Variants in XPO4 observed in about 807,000 individuals in gnomAD.
XPO4 encodes the protein exportin-4.
In XPO4, 39 loss-of-function variants were observed where a neutral mutation model predicts 143.0. The ratio of observed to expected loss-of-function variants is 0.27; its 90% CI spans 0.21 to 0.36. The LOEUF (loss-of-function observed/expected upper bound fraction) is 0.36, where lower values mean the gene tolerates loss of function less well. XPO4 is among the 10% of genes least tolerant of loss of function. XPO4 has a pLI of 1.00. For synonymous variants in XPO4, 439 were observed against 474.0 expected (o/e 0.93, Z 0.96); for missense variants, 907 against 1,348.0 (o/e 0.67, Z 5.12).
intron 3 of XPO4, chr13:20,859,974 G>A (rs2060181362): frequency 2.5e-6 from 1 of 397,930 alleles, no homozygotes; most frequent in African/African-American, 2.2e-5. Context: ...CAACTAAACA[G>A]CTCCACAAAA....
intron 6 of XPO4, among the ~76,000 whole-genome samples, chr13:20,835,412 G>T (rs1430523369): frequency 6.6e-6 from 1 of 152,118 alleles, no homozygotes; most frequent in African/African-American, 2.4e-5. Flanking sequence ...CCTAGACAAA[G>T]CTGGTCAAAT....
rs1328031099 is a variant in XPO4, at chr13:20,788,533, C to G, written c.3000G>C (p.Glu1000Asp). The G allele has an allele frequency of 1.2e-6, 2 of 1,613,102 alleles. No individual in the cohort carries two copies. The highest frequency in any genetic ancestry group is 1.7e-6 in the Non-Finnish European group (2 of 1,179,590). The change falls in exon 20 of 23, where the codon GAG becomes GAC. Residue 1000 changes from glutamate to aspartate, a missense_variant. Coordinates refer to ENST00000255305, the MANE Select transcript of XPO4 (RefSeq NM_022459.5). The part of the protein sequence containing the change: ...IFPEKIPQLP[E>D]DLFKSLMYSL... ...AGTACATCAGACTTTTAAACAGATC[C>G]TCAGGAAGCTGTGGTATTTTTTCAG...
rs1295089870 is a variant in XPO4, at chr13:20,883,285, T to TCAAA, written c.70-14585_70-14584insTTTG. ...TGGGTGAGGAGAAAGAAAGGAAAGA[T>TCAAA]GTAGACTCAAAGCTAAAGAAAAGAA... On this transcript the variant is annotated intron_variant, in intron 1 of 22. Coordinates refer to ENST00000255305, the MANE Select transcript of XPO4 (RefSeq NM_022459.5). 4.6e-5 allele frequency among the ~76,000 whole-genome samples: 7 copies of TCAAA among 152,318 alleles called. No homozygotes were observed. In the East Asian group the frequency reaches 1.2e-3, roughly 25 times the overall value.
At chr13:20,789,461 C>T (rs574447362) in intron 19 of XPO4, among the ~76,000 whole-genome samples, 7 of 148,494 alleles carry the variant, frequency 4.7e-5, no homozygotes, top group African/African-American at 1.5e-4. Flanking sequence ...GTGGCACAAT[C>T]TTGGCTCACT....
At chr13:20,893,937 G>A (rs571716189) in intron 1 of XPO4, among the ~76,000 whole-genome samples, 5 of 152,160 alleles carry the variant, frequency 3.3e-5, no homozygotes, top group South Asian at 2.1e-4. Flanking sequence ...TCCGCCTCCC[G>A]GGTTCAAGTG....
At position 20,865,139 on chromosome 13, in the gene XPO4, A is replaced by AT. The variant is rs35116814; in HGVS notation, c.176-2282dup. ...ATGAAGAACTCACAATTCATCTAGCATTTTTTTTTTTTTTTTGAGATGGAG... is the reference window on the plus strand; with the variant it reads ...ATGAAGAACTCACAATTCATCTAGCATTTTTTTTTTTTTTTTTGAGATGGAG... On this transcript the variant is annotated intron_variant, in intron 2 of 22. Transcript: ENST00000255305. 6.2e-3 allele frequency among the ~76,000 whole-genome samples: 878 copies of AT among 142,368 alleles called. 9 individuals are homozygous for AT. The highest frequency in any genetic ancestry group is 0.015 in the African/African-American group (585 of 38,626). The allele number at this position is 142,368 out of a possible 152,430, so 93.4% of individuals were successfully genotyped here.
intron 1 of XPO4, among the ~76,000 whole-genome samples, chr13:20,873,177 A>G (rs559721926): frequency 2.0e-5 from 3 of 152,000 alleles, no homozygotes; most frequent in Non-Finnish European, 4.4e-5. Flanking sequence ...TCCTAACTCA[A>G]TAGACTGGGG....
intron 7 of XPO4, 55 bp from the exon 8 acceptor site, chr13:20,822,344 C>G: frequency 1.3e-6 from 2 of 1,494,910 alleles, no homozygotes; most frequent in Non-Finnish European, 1.8e-6. Context: ...GTAAGGGTCA[C>G]GTGTCTACCA....
chr13:20,895,159 C>T (rs2060556531), intron 1 of XPO4, among the ~76,000 whole-genome samples: 1 of 151,996 alleles, frequency 6.6e-6, no homozygotes. Flanking sequence ...GCCTAGGCAA[C>T]AGAGTGAGAC....
At chr13:20,788,408 A>G in intron 20 of XPO4, 78 bp downstream of exon 20, 2 of 1,534,908 alleles carry the variant, frequency 1.3e-6, no homozygotes, top group Non-Finnish European at 1.7e-6. Context: ...TGAAAAATGT[A>G]AACTTAAAAA....
At chr13:20,837,298 AATCCAAATT>A (rs1158831795) in intron 6 of XPO4, among the ~76,000 whole-genome samples, 2 of 152,206 alleles carry the variant, frequency 1.3e-5, no homozygotes, top group African/African-American at 4.8e-5. Flanking sequence ...GAGTTGTGAC[AATCCAAATT>A]GTCTCAAGAC....
At chr13:20,788,362 T>C in intron 20 of XPO4, 124 bp downstream of exon 20, 1 of 1,353,424 alleles carries the variant, frequency 7.4e-7, no homozygotes, top group Non-Finnish European at 9.9e-7. Flanking sequence ...TGGCCCAGGG[T>C]TTTTTAAGAA....
chr13:20,886,252 TTAACA>T (rs530638668), intron 1 of XPO4, among the ~76,000 whole-genome samples: 53 of 151,940 alleles, frequency 3.5e-4, no homozygotes, highest in Middle Eastern at 3.4e-3. Flanking sequence ...AGAAATTGAT[TTAACA>T]TAACAATAAC....
chr13:20,795,964 T>C lies in XPO4; in HGVS notation c.2797+112A>G. On this transcript the variant is annotated intron_variant, in intron 18 of 22. Coordinates refer to ENST00000255305, the MANE Select transcript of XPO4 (RefSeq NM_022459.5). ...TTTGACCACAAAGATCTTCTTTCATTTATTCCATAAATTGAATTTCCTCAT... is the reference window on the plus strand; with the variant it reads ...TTTGACCACAAAGATCTTCTTTCATCTATTCCATAAATTGAATTTCCTCAT... 8 of 1,189,538 alleles carry C rather than the reference T, an allele frequency of 6.7e-6. No individual in the cohort carries two copies. The South Asian group carries it at 1.3e-4, about 20-fold the overall frequency. 73.7% of individuals were successfully genotyped at this position (1,189,538 alleles called of 1,614,324 possible).
intron 18 of XPO4, among the ~76,000 whole-genome samples, chr13:20,794,041 C>G (rs538909601): frequency 6.6e-6 from 1 of 152,154 alleles, no homozygotes; most frequent in African/African-American, 2.4e-5. Context: ...ACAATCATTT[C>G]TCTAAATGTT....
At chr13:20,885,985 A>C (rs1032616780) in intron 1 of XPO4, among the ~76,000 whole-genome samples, 1 of 152,252 alleles carries the variant, frequency 6.6e-6, no homozygotes, top group African/African-American at 2.4e-5. Flanking sequence ...GTACAAAACA[A>C]AACAGAACTA....
At chr13:20,874,454 G>A (rs1045620265) in intron 1 of XPO4, among the ~76,000 whole-genome samples, 7 of 152,180 alleles carry the variant, frequency 4.6e-5, no homozygotes, top group African/African-American at 1.7e-4. Flanking sequence ...ACAGTATTGG[G>A]AGATGGGGCC....
chr13:20,787,735 C>A (rs2059224725), intron 20 of XPO4, 137 bp from the exon 21 acceptor site: 2 of 660,530 alleles, frequency 3.0e-6, no homozygotes, highest in Non-Finnish European at 5.1e-6. Context: ...TGGGCAATAT[C>A]TTCACTGAGT....
chr13:20,798,937 C>T (rs2059394590), intron 16 of XPO4, among the ~76,000 whole-genome samples: 1 of 151,442 alleles, frequency 6.6e-6, no homozygotes, highest in Non-Finnish European at 1.5e-5. Flanking sequence ...AGGAGAATCG[C>T]TTGAACCTGG....
Sources: allele counts gnomAD v4.1 joint callset (sites outside exome capture counted in the v4.1 genomes callset), GRCh38; gene constraint gnomAD v4.1.1; transcripts MANE v1.5; gene names NCBI Gene and HGNC (gene_info 2026-07-23, HGNC 2026-07-21).